Variants in MARCHF1 observed in about 807,000 individuals in gnomAD.
The protein encoded by MARCHF1 is membrane associated ring-CH-type finger 1.
A neutral mutation model predicts 54.2 loss-of-function variants in MARCHF1; 40 were observed. That is an observed-to-expected ratio of 0.74 (90% CI 0.57 to 0.96). The LOEUF (loss-of-function observed/expected upper bound fraction) is 0.96, where lower values mean the gene tolerates loss of function less well. Ranked by LOEUF, MARCHF1 falls within the 40% of genes least tolerant of loss-of-function variation. The probability of loss-of-function intolerance (pLI) is 0.00; values close to 1 mark genes in which losing one functional copy is unlikely to be tolerated. For synonymous variants in MARCHF1, 236 were observed against 236.3 expected, an observed-to-expected ratio of 1.00 and a Z score of 0.01; for missense variants, 586 against 656.5, an observed-to-expected ratio of 0.89 and a Z score of 1.17.
intron 1 of MARCHF1, among the ~76,000 whole-genome samples, chr4:164,227,958 C>A (rs566232363): frequency 6.6e-6 from 1 of 151,946 alleles, no homozygotes; most frequent in Non-Finnish European, 1.5e-5. Context: ...AGAAATGTAA[C>A]CTTGGACAAC....
At chr4:163,907,067 A>G (rs1044387997) in intron 3 of MARCHF1, among the ~76,000 whole-genome samples, 3 of 152,082 alleles carry the variant, frequency 2.0e-5, no homozygotes, top group African/African-American at 7.2e-5. Flanking sequence ...TGTATTTTAT[A>G]TCATCTGATA....
chr4:163,794,332 G>A (rs867077009), intron 4 of MARCHF1, among the ~76,000 whole-genome samples: 7 of 152,026 alleles, frequency 4.6e-5, no homozygotes, highest in Non-Finnish European at 8.8e-5. Flanking sequence ...AAATATTGCT[G>A]TTTTCTGAAA....
intron 1 of MARCHF1, among the ~76,000 whole-genome samples, chr4:164,140,012 A>G (rs9715396): frequency 0.69 from 105,116 of 151,758 alleles, 37,872 homozygotes; most frequent in Non-Finnish European, 0.82. Context: ...TATAACCTAT[A>G]TCATAAATCT....
chr4:163,580,277 A>C (rs1402130545), intron 8 of MARCHF1, among the ~76,000 whole-genome samples: 1 of 151,742 alleles, frequency 6.6e-6, no homozygotes, highest in Non-Finnish European at 1.5e-5. Flanking sequence ...ATGGGGTTTC[A>C]CCATGGTGGC....
At chr4:163,695,692 T>C (rs1219740353) in intron 5 of MARCHF1, among the ~76,000 whole-genome samples, 1 of 152,180 alleles carries the variant, frequency 6.6e-6, no homozygotes, top group Non-Finnish European at 1.5e-5. Context: ...AAGGATTTTA[T>C]TTAAAAGAAA....
chr4:163,570,401 C>T (rs537720158), intron 8 of MARCHF1, among the ~76,000 whole-genome samples: 1 of 152,002 alleles, frequency 6.6e-6, no homozygotes, highest in Non-Finnish European at 1.5e-5. Context: ...ACGGAACCCC[C>T]AAAAGTTGAA....
chr4:163,902,940 G>A (rs1266404343), intron 3 of MARCHF1, among the ~76,000 whole-genome samples: 14 of 151,774 alleles, frequency 9.2e-5, no homozygotes, highest in Admixed American at 8.5e-4. Flanking sequence ...CTTTCCCTTC[G>A]AGAGGCACAT....
chr4:164,176,255 G>A (rs1372664046), intron 1 of MARCHF1, among the ~76,000 whole-genome samples: 2 of 152,116 alleles, frequency 1.3e-5, no homozygotes, highest in African/African-American at 4.8e-5. Context: ...TGCAACAGAT[G>A]TAATCATTTT....
chr4:163,926,365 T>G, intron 3 of MARCHF1, among the ~76,000 whole-genome samples: 1 of 151,842 alleles, frequency 6.6e-6, no homozygotes. Flanking sequence ...GACTATACTA[T>G]ATTATATATA....
At chr4:164,109,788 G>A (rs1755791547) in intron 2 of MARCHF1, among the ~76,000 whole-genome samples, 1 of 151,400 alleles carries the variant, frequency 6.6e-6, no homozygotes, top group African/African-American at 2.4e-5. Flanking sequence ...CCTGTAGAGA[G>A]TGAATGTAGC....
chr4:163,693,639 T>C (rs1231582597), intron 5 of MARCHF1, among the ~76,000 whole-genome samples: 1 of 148,298 alleles, frequency 6.7e-6, no homozygotes, highest in African/African-American at 2.5e-5. Context: ...GCATAGTTCT[T>C]TCACCATTTG....
At chr4:163,697,157 G>C (rs1016716455) in intron 5 of MARCHF1, among the ~76,000 whole-genome samples, 4 of 152,072 alleles carry the variant, frequency 2.6e-5, no homozygotes, top group Non-Finnish European at 4.4e-5. Flanking sequence ...TTGCCACCAG[G>C]GGAGCTCGTA....
At chr4:163,894,245 C>G (rs1750726007) in intron 3 of MARCHF1, among the ~76,000 whole-genome samples, 1 of 152,016 alleles carries the variant, frequency 6.6e-6, no homozygotes. Context: ...CAATTTTCCT[C>G]TATGTTATTA....
intron 8 of MARCHF1, among the ~76,000 whole-genome samples, chr4:163,569,596 C>G (rs535950394): frequency 1.8e-3 from 272 of 152,152 alleles, no homozygotes; most frequent in African/African-American, 6.2e-3. Context: ...CTCTTATTAT[C>G]CCCGTTTACG....
chr4:163,809,726 C>T (rs1488261738), intron 4 of MARCHF1, among the ~76,000 whole-genome samples: 1 of 151,954 alleles, frequency 6.6e-6, no homozygotes, highest in Non-Finnish European at 1.5e-5. Flanking sequence ...TTTACACATA[C>T]ATGTAAAAGT....
At chr4:164,078,512 G>C (rs1049479982) in intron 2 of MARCHF1, among the ~76,000 whole-genome samples, 1 of 148,572 alleles carries the variant, frequency 6.7e-6, no homozygotes, top group African/African-American at 2.5e-5. Context: ...ATGTACCCCA[G>C]AACTTAAAGT....
At chr4:163,933,477 T>C (rs1751726107) in intron 3 of MARCHF1, among the ~76,000 whole-genome samples, 1 of 152,194 alleles carries the variant, frequency 6.6e-6, no homozygotes, top group Admixed American at 6.5e-5. Context: ...ATACCTTCAT[T>C]TCATATAAAC....
intron 2 of MARCHF1, among the ~76,000 whole-genome samples, chr4:164,076,091 A>T (rs13124326): frequency 0.7 from 105,756 of 151,874 alleles, 38,533 homozygotes; most frequent in Non-Finnish European, 0.82. Flanking sequence ...TTGAAAAAAG[A>T]TAACTTTCAT....
At position 164,036,892 on chromosome 4, in the gene MARCHF1, C is replaced by CA. The variant is rs1484853176; in HGVS notation, c.-247-48184dup. 5.3e-5 allele frequency among the ~76,000 whole-genome samples: 8 copies of CA among 151,964 alleles called. No individual in the cohort carries two copies. In the East Asian group the frequency reaches 1.5e-3, roughly 29 times the overall value. ...TATCTAATGGTGAATATATGCATAC[C>CA]AAATGACTCAGTATTTTTATCTCTA... On this transcript the variant is annotated intron_variant, in intron 2 of 9. Transcript: ENST00000514618.
Sources: gnomAD v4.1 joint callset for allele counts (sites outside exome capture counted in the v4.1 genomes callset) on GRCh38, gnomAD v4.1.1 for gene constraint, MANE v1.5 for transcripts, NCBI Gene and HGNC (gene_info 2026-07-23, HGNC 2026-07-21) for gene names.